TRPC4: variants seen among roughly 807,000 people sequenced by gnomAD.
TRPC4 encodes transient receptor potential cation channel subfamily C member 4, also known as short transient receptor potential channel 4.
TRPC4 carries 49 observed loss-of-function variants against 99.4 expected under a neutral mutation model. The observed-to-expected ratio is 0.49, with a 90% CI of 0.39 to 0.63. The LOEUF is 0.63. TRPC4 is among the 20% of genes least tolerant of loss of function. The pLI, the probability that TRPC4 is intolerant of heterozygous loss-of-function variation, is 0.00. For missense variants in TRPC4, 898 were observed against 1,152.9 expected (o/e 0.78, Z 3.20); for synonymous variants, 454 against 425.9 (o/e 1.07, Z -0.81).
At chr13:37,774,619 C>T (rs556218695) in intron 2 of TRPC4, among the ~76,000 whole-genome samples, 1 of 151,628 alleles carries the variant, frequency 6.6e-6, no homozygotes, top group East Asian at 2.0e-4. Context: ...CACCAAGTAC[C>T]TATTGGTTAT....
intron 8 of TRPC4, among the ~76,000 whole-genome samples, chr13:37,650,610 T>TACACACACACACACAC (rs1555250394): frequency 3.1e-5 from 2 of 65,090 alleles, no homozygotes; most frequent in Admixed American, 2.0e-4. Flanking sequence ...TCTCTCTCTC[T>TACACACACACACACAC]ATACACACAC....
At chr13:37,759,543 TC>T (rs1186648347) in intron 2 of TRPC4, among the ~76,000 whole-genome samples, 51 of 151,872 alleles carry the variant, frequency 3.4e-4, no homozygotes, top group African/African-American at 1.2e-3. Flanking sequence ...AAATAAAAAA[TC>T]TTATAAGCAA....
At chr13:37,856,999 G>A (rs1448419227) in intron 1 of TRPC4, among the ~76,000 whole-genome samples, 2 of 151,162 alleles carry the variant, frequency 1.3e-5, no homozygotes, top group Admixed American at 6.6e-5. Context: ...AAGGATGCCC[G>A]CTTTCATAAC....
At chr13:37,729,649 A>G (rs1168292835) in intron 3 of TRPC4, among the ~76,000 whole-genome samples, 1 of 152,172 alleles carries the variant, frequency 6.6e-6, no homozygotes, top group African/African-American at 2.4e-5. Flanking sequence ...AATATTGTTT[A>G]GCATTAAAAA....
chr13:37,857,229 C>G (rs571203266), intron 1 of TRPC4, among the ~76,000 whole-genome samples: 24 of 151,440 alleles, frequency 1.6e-4, no homozygotes, highest in African/African-American at 5.1e-4. Context: ...TGAAAGATCT[C>G]TACAATTTAG....
In TRPC4 at chr13:37,637,285, C is replaced by A. The variant is rs772033202; in HGVS notation, c.2552G>T (p.Arg851Leu). The change falls in exon 11 of 11, where the codon CGA (arginine) becomes CTA (leucine). Residue 851 changes from arginine to leucine, a missense_variant. Coordinates refer to ENST00000379705, the MANE Select transcript of TRPC4 (RefSeq NM_016179.4). ...DIKNFGLFHR[R>L]SKQNAAEQNA... ...TTGCTCAGCAGCATTTTGTTTTGAT[C>A]GTCTATGAAATAACCCAAAGTTTTT... 2.5e-6 allele frequency: 4 copies of A among 1,613,768 alleles called. No individual in the cohort carries two copies. The highest frequency in any genetic ancestry group is 2.2e-5 in the East Asian group (1 of 44,874).
chr13:37,726,732 T>A (rs1955075238), intron 3 of TRPC4, among the ~76,000 whole-genome samples: 1 of 151,782 alleles, frequency 6.6e-6, no homozygotes, highest in African/African-American at 2.4e-5. Context: ...TTCAAACACG[T>A]AAATAGTTTG....
chr13:37,822,080 CA>C (rs1377543080), intron 1 of TRPC4, among the ~76,000 whole-genome samples: 2 of 151,814 alleles, frequency 1.3e-5, no homozygotes, highest in East Asian at 3.9e-4. Context: ...GTCTAATATC[CA>C]GAATATATAA....
chr13:37,788,221 C>A (rs1957021631), intron 1 of TRPC4, among the ~76,000 whole-genome samples: 1 of 152,064 alleles, frequency 6.6e-6, no homozygotes, highest in Non-Finnish European at 1.5e-5. Flanking sequence ...TTCATACCAA[C>A]CTTCACTCTC....
intron 2 of TRPC4, among the ~76,000 whole-genome samples, chr13:37,759,467 C>CTA (rs1203486418): frequency 6.6e-6 from 1 of 151,694 alleles, no homozygotes; most frequent in African/African-American, 2.4e-5. Flanking sequence ...AAATAAGCTA[C>CTA]TAAACTACAA....
At chr13:37,739,743 A>G (rs1440157040) in intron 3 of TRPC4, among the ~76,000 whole-genome samples, 1 of 151,858 alleles carries the variant, frequency 6.6e-6, no homozygotes, top group Non-Finnish European at 1.5e-5. Flanking sequence ...TGACCTTGTG[A>G]CCTGCCTGCC....
chr13:37,854,162 T>G (rs960809522), intron 1 of TRPC4, among the ~76,000 whole-genome samples: 2 of 151,996 alleles, frequency 1.3e-5, no homozygotes, highest in African/African-American at 4.8e-5. Flanking sequence ...GATAAAGAAA[T>G]TATCCTAAAA....
rs1951474268 is a variant in TRPC4, at chr13:37,634,908, C to T, written c.*1995G>A. ...GCATTCATTTAGGCTTGTGTTTCTC[C>T]AAATCTATCTGGCCCATTCCTAAAT... On this transcript the variant is annotated 3_prime_UTR_variant, in exon 11 of 11. Transcript: ENST00000379705. Among the ~76,000 whole-genome samples the T allele has an allele frequency of 6.6e-6, 1 of 151,930 alleles. No individual in the cohort carries two copies. Among genetic ancestry groups the T allele is most frequent in the Admixed American group, 6.6e-5 (1 of 15,234 alleles).
At chr13:37,649,751 AAAAAAAAAACAACAAC>A (rs1951972647) in intron 8 of TRPC4, among the ~76,000 whole-genome samples, 1 of 139,192 alleles carries the variant, frequency 7.2e-6, no homozygotes. Flanking sequence ...AAAAAAAAAA[AAAAAAAAAACAACAAC>A]AAAGAACTAA....
chr13:37,830,820 T>C (rs370428468), intron 1 of TRPC4, among the ~76,000 whole-genome samples: 2 of 142,564 alleles, frequency 1.4e-5, no homozygotes, highest in Non-Finnish European at 3.1e-5. Flanking sequence ...TATATATATA[T>C]AATATAATAG....
In TRPC4 at chr13:37,690,305, T is replaced by A. The variant is rs189275547; in HGVS notation, c.1234+1694A>T. ...CACTTATAGATTATGTGAGCCTTTT[T>A]AATTTTTCTTCTTTTCTTTCATTTT... On this transcript the variant is annotated intron_variant, in intron 4 of 10. Coordinates refer to ENST00000379705, the MANE Select transcript of TRPC4 (RefSeq NM_016179.4). Among the ~76,000 whole-genome samples the A allele has an allele frequency of 7.1e-4, 108 of 152,306 alleles. 1 individual carries two copies. Among genetic ancestry groups the A allele is most frequent in the African/African-American group, 2.4e-3 (99 of 41,578 alleles).
intron 1 of TRPC4, among the ~76,000 whole-genome samples, chr13:37,789,612 G>A (rs1957059650): frequency 6.6e-6 from 1 of 151,662 alleles, no homozygotes; most frequent in Non-Finnish European, 1.5e-5. Context: ...TTAACCACTT[G>A]CCTAAAATTG....
intron 2 of TRPC4, among the ~76,000 whole-genome samples, chr13:37,756,702 T>A (rs1371472738): frequency 6.6e-6 from 1 of 151,834 alleles, no homozygotes; most frequent in Admixed American, 6.6e-5. Flanking sequence ...CTGGCTTAAT[T>A]TTTTGGATTC....
chr13:37,836,148 T>G (rs896463989), intron 1 of TRPC4, among the ~76,000 whole-genome samples: 1 of 152,204 alleles, frequency 6.6e-6, no homozygotes, highest in African/African-American at 2.4e-5. Flanking sequence ...CCTTGCCTTC[T>G]GCCTGATTGT....
Sources: gnomAD v4.1 joint callset for allele counts (sites outside exome capture counted in the v4.1 genomes callset) on GRCh38, gnomAD v4.1.1 for gene constraint, MANE v1.5 for transcripts, NCBI Gene and HGNC (gene_info 2026-07-23, HGNC 2026-07-21) for gene names.